Variants in ULK4 observed in about 807,000 individuals in gnomAD.
ULK4 encodes unc-51 like kinase 4, also known as inactive serine/threonine-protein kinase ULK4.
Under a neutral mutation model 160.6 loss-of-function variants are expected in ULK4, and 133 were observed. That is an observed-to-expected ratio of 0.83 (90% CI 0.72 to 0.96). ULK4 has a LOEUF of 0.96. Ranked by LOEUF, ULK4 falls within the 40% of genes least tolerant of loss-of-function variation. The probability of loss-of-function intolerance (pLI) is 0.00; values close to 1 mark genes in which losing one functional copy is unlikely to be tolerated. For synonymous variants in ULK4, 534 were observed against 539.8 expected (o/e 0.99, Z 0.15); for missense variants, 1,580 against 1,499.5 (o/e 1.05, Z -0.89).
At chr3:41,594,561 AAAG>A (rs2031560801) in intron 31 of ULK4, among the ~76,000 whole-genome samples, 1 of 152,082 alleles carries the variant, frequency 6.6e-6, no homozygotes, top group African/African-American at 2.4e-5. Flanking sequence ...AAATAAAATA[AAAG>A]AAGGCCACTG....
At chr3:41,829,974 T>C (rs982767855) in intron 18 of ULK4, among the ~76,000 whole-genome samples, 3 of 151,834 alleles carry the variant, frequency 2.0e-5, no homozygotes, top group Admixed American at 6.6e-5. Flanking sequence ...CCATAAAAAA[T>C]GATGAGTTCA....
At chr3:41,384,308 T>C (rs2081746916) in intron 35 of ULK4, among the ~76,000 whole-genome samples, 1 of 151,958 alleles carries the variant, frequency 6.6e-6, no homozygotes, top group Non-Finnish European at 1.5e-5. Context: ...AAAAGTCAAT[T>C]TCATATGGAA....
At chr3:41,313,986 G>GGTCATGT (rs1230571321) in intron 35 of ULK4, among the ~76,000 whole-genome samples, 2 of 152,116 alleles carry the variant, frequency 1.3e-5, no homozygotes, top group Non-Finnish European at 2.9e-5. Context: ...TACATGAGCA[G>GGTCATGT]GTCATGTACA....
At chr3:41,328,523 A>G (rs2080379649) in intron 35 of ULK4, among the ~76,000 whole-genome samples, 1 of 152,176 alleles carries the variant, frequency 6.6e-6, no homozygotes, top group Non-Finnish European at 1.5e-5. Flanking sequence ...ACTGCAACAT[A>G]CTGATAGTTT....
At chr3:41,708,638 A>T (rs542698213) in intron 25 of ULK4, among the ~76,000 whole-genome samples, 1 of 152,314 alleles carries the variant, frequency 6.6e-6, no homozygotes, top group South Asian at 2.1e-4. Flanking sequence ...GCTACTTGGG[A>T]GGCTGAGGAA....
chr3:41,508,919 T>G (rs1320994247), intron 32 of ULK4, among the ~76,000 whole-genome samples: 2 of 151,926 alleles, frequency 1.3e-5, no homozygotes, highest in Non-Finnish European at 2.9e-5. Context: ...CAAGGTAGAT[T>G]AACACCCCCA....
chr3:41,615,766 T>C, intron 30 of ULK4, 49 bp from the exon 31 acceptor site: 4 of 1,547,974 alleles, frequency 2.6e-6, no homozygotes, highest in Non-Finnish European at 3.5e-6. Flanking sequence ...CAATTCATAT[T>C]TGCACTGATG....
intron 18 of ULK4, among the ~76,000 whole-genome samples, chr3:41,825,556 G>T (rs985806958): frequency 8.3e-4 from 127 of 152,304 alleles, no homozygotes; most frequent in African/African-American, 3.0e-3. Flanking sequence ...GGAAGAAAGG[G>T]TATCAGTGAT....
intron 32 of ULK4, among the ~76,000 whole-genome samples, chr3:41,492,194 G>C (rs952582020): frequency 3.3e-5 from 5 of 151,772 alleles, no homozygotes; most frequent in African/African-American, 1.2e-4. Context: ...ATAAACATAC[G>C]TGTGCATGTG....
At chr3:41,273,319 A>G (rs1021734137) in intron 35 of ULK4, among the ~76,000 whole-genome samples, 3 of 152,112 alleles carry the variant, frequency 2.0e-5, no homozygotes, top group Non-Finnish European at 4.4e-5. Flanking sequence ...TGTGTATTCT[A>G]CCCTATGCCC....
chr3:41,896,997 T>G lies in ULK4; in HGVS notation c.1355A>C (p.Lys452Thr), dbSNP rs1287206566. 3 of 1,610,320 alleles carry G rather than the reference T, an allele frequency of 1.9e-6. No individual in the cohort carries two copies. Among genetic ancestry groups the G allele is most frequent in the African/African-American group, 2.7e-5 (2 of 74,858 alleles). ...ATCTTGATCTTTCAGAAATAATAAC[T>G]TATCCACTGCGATGGAAAGAAAATA... ...ILHLPTYSVD[K>T]LLFLKDQDWN... The change falls in exon 15 of 37, where the codon AAG becomes ACG. Residue 452 changes from lysine to threonine, a missense_variant. By Grantham distance (78) the Lys-to-Thr change is moderately conservative. Transcript: ENST00000301831.
intron 30 of ULK4, among the ~76,000 whole-genome samples, chr3:41,660,455 A>C (rs1400863861): frequency 6.6e-6 from 1 of 152,182 alleles, no homozygotes; most frequent in African/African-American, 2.4e-5. Context: ...TTTTAAAAAT[A>C]CTGTTCTTTT....
chr3:41,705,412 CAT>C (rs2036842153), intron 25 of ULK4, 107 bp from the exon 26 acceptor site: 3 of 711,210 alleles, frequency 4.2e-6, no homozygotes, highest in East Asian at 2.8e-5. Context: ...TTTAATAACT[CAT>C]AGACAGTATT....
At chr3:41,554,455 G>T (rs1031677916) in intron 32 of ULK4, among the ~76,000 whole-genome samples, 1 of 152,164 alleles carries the variant, frequency 6.6e-6, no homozygotes, top group Non-Finnish European at 1.5e-5. Context: ...GCCAGGCACA[G>T]AAAGACAAGT....
intron 35 of ULK4, among the ~76,000 whole-genome samples, chr3:41,252,401 T>G (rs1307873117): frequency 1.3e-5 from 2 of 152,122 alleles, no homozygotes; most frequent in Non-Finnish European, 2.9e-5. Flanking sequence ...AAACAAGTAT[T>G]ACAATAGAAT....
At chr3:41,857,513 C>A (rs1415203347) in intron 17 of ULK4, among the ~76,000 whole-genome samples, 1 of 151,954 alleles carries the variant, frequency 6.6e-6, no homozygotes, top group Non-Finnish European at 1.5e-5. Context: ...ATTTATTTTT[C>A]TTGAGTAGTT....
chr3:41,751,865 G>A (rs2038642895), intron 22 of ULK4, among the ~76,000 whole-genome samples: 2 of 152,180 alleles, frequency 1.3e-5, no homozygotes, highest in Admixed American at 1.3e-4. Context: ...CAACCAAGAA[G>A]AGCCCTGAGG....
chr3:41,442,249 T>C (rs1333371284), intron 34 of ULK4, among the ~76,000 whole-genome samples: 1 of 152,146 alleles, frequency 6.6e-6, no homozygotes, highest in Admixed American at 6.6e-5. Flanking sequence ...AATATCATTG[T>C]TTGTGCTAAG....
At chr3:41,378,361 A>G (rs1176568745) in intron 35 of ULK4, among the ~76,000 whole-genome samples, 1 of 151,812 alleles carries the variant, frequency 6.6e-6, no homozygotes, top group Non-Finnish European at 1.5e-5. Context: ...GTACCCTAAA[A>G]CTTAAAGTAT....
Sources: gnomAD v4.1 joint callset for allele counts (sites outside exome capture counted in the v4.1 genomes callset) on GRCh38, gnomAD v4.1.1 for gene constraint, MANE v1.5 for transcripts, NCBI Gene and HGNC (gene_info 2026-07-23, HGNC 2026-07-21) for gene names.